Variants in ECI2 observed in about 807,000 individuals in gnomAD.
The protein encoded by ECI2 is D3,D2-enoyl-CoA isomerase.
ECI2 carries 27 observed loss-of-function variants against 38.4 expected under a neutral mutation model. That is an observed-to-expected ratio of 0.70 (90% CI 0.52 to 0.97). ECI2 has a LOEUF of 0.97. Among genes scored for constraint, ECI2 ranks in the 50% least tolerant of loss-of-function variants. The probability of loss-of-function intolerance (pLI) is 0.00; values close to 1 mark genes in which losing one functional copy is unlikely to be tolerated. For missense variants in ECI2, 470 were observed against 474.4 expected (o/e 0.99, Z 0.09); for synonymous variants, 168 against 172.0 (o/e 0.98, Z 0.18).
rs201994672 is a variant in ECI2, at chr6:4,131,271, C to CA, written c.214-407dup. Among the ~76,000 whole-genome samples the CA allele has an allele frequency of 3.0e-3, 443 of 150,098 alleles. 3 individuals carry two copies. The highest frequency in any genetic ancestry group is 4.4e-3 in the Admixed American group (66 of 15,076). The stretch of plus-strand genomic sequence containing the variant: ...TATTCCAAAAGCCCATCTGAAGGTA[C>CA]AAAAAAAAACACCACTAATTCAGTG... On this transcript the variant is annotated intron_variant, in intron 2 of 9. Coordinates refer to ENST00000380118, the MANE Select transcript of ECI2 (RefSeq NM_206836.3).
chr6:4,135,347 A>G, intron 1 of ECI2, 164 bp downstream of exon 1: 4 of 1,479,566 alleles, frequency 2.7e-6, no homozygotes, highest in Non-Finnish European at 3.6e-6. Flanking sequence ...GGCGCGCGTG[A>G]GGTCGTCACT....
intron 4 of ECI2, among the ~76,000 whole-genome samples, chr6:4,128,816 C>T (rs1773339779): frequency 6.6e-6 from 1 of 152,014 alleles, no homozygotes; most frequent in African/African-American, 2.4e-5. Flanking sequence ...AATATTATGC[C>T]TTTTTATGGG....
In ECI2 at chr6:4,117,359, A is replaced by G. The variant is rs1277386267; in HGVS notation, c.978T>C (p.Phe326=). The G allele has an allele frequency of 3.7e-6, 6 of 1,613,782 alleles. No homozygotes were observed. The African/African-American group carries it at 6.7e-5, about 18-fold the overall frequency. ...LVTEVFPDST[F]QKEVWTRLKA... is the part of the protein sequence containing the mutation. ...TCAGCCTGGTCCAGACTTCTTTCTG[A>G]AAAGTGCTATCAGGGAAAACTTCAG... The change falls in exon 9 of 10, where the codon TTT becomes TTC. Residue 326 remains phenylalanine, a synonymous_variant. Transcript: ENST00000380118.
intron 5 of ECI2, 136 bp downstream of exon 5, chr6:4,127,626 G>C: frequency 2.8e-6 from 2 of 718,386 alleles, no homozygotes; most frequent in Non-Finnish European, 4.5e-6. Context: ...TGTTAATCAG[G>C]CTCATCTCAA....
At position 4,115,807 on chromosome 6, in the gene ECI2, C is replaced by G; in HGVS notation, c.*67G>C. ...AGGCACAATGAAGCTTATTTAGTTCCAGTACTGGAAATCAGAGGTAACAGC... is the reference window on the plus strand; with the variant it reads ...AGGCACAATGAAGCTTATTTAGTTCGAGTACTGGAAATCAGAGGTAACAGC... On this transcript the variant is annotated 3_prime_UTR_variant, in exon 10 of 10. Coordinates refer to ENST00000380118, the MANE Select transcript of ECI2 (RefSeq NM_206836.3). The G allele has an allele frequency of 6.4e-7, 1 of 1,550,574 alleles. No individual in the cohort carries two copies. The highest frequency in any genetic ancestry group is 1.3e-5 in the South Asian group (1 of 79,518).
intron 7 of ECI2, among the ~76,000 whole-genome samples, chr6:4,121,521 T>C (rs554253322): frequency 6.6e-6 from 1 of 152,348 alleles, no homozygotes; most frequent in African/African-American, 2.4e-5. Context: ...GATCTATCGC[T>C]TTATAGACAA....
chr6:4,120,495 G>A (rs1055735556), intron 7 of ECI2, among the ~76,000 whole-genome samples: 1 of 152,154 alleles, frequency 6.6e-6, no homozygotes, highest in East Asian at 1.9e-4. Context: ...GGGAGGCAGA[G>A]GTGGGCAAAT....
At chr6:4,131,091 A>C (rs1773484776) in intron 2 of ECI2, 1 of 454,130 alleles carries the variant, frequency 2.2e-6, no homozygotes, top group Non-Finnish European at 3.9e-6. Flanking sequence ...CTATGAAAAT[A>C]ATGCAGGATA....
intron 6 of ECI2, 152 bp downstream of exon 6, chr6:4,125,983 G>A (rs933286853): frequency 1.4e-6 from 1 of 702,718 alleles, no homozygotes; most frequent in Non-Finnish European, 2.6e-6. Flanking sequence ...CCCACCTATG[G>A]ATGGAGGCAG....
At chr6:4,135,487 G>A in intron 1 of ECI2, 24 bp downstream of exon 1, 1 of 1,607,350 alleles carries the variant, frequency 6.2e-7, no homozygotes. Context: ...ACCATGGGCC[G>A]AACGGCCGGG....
At chr6:4,134,546 G>A (rs1487489469) in intron 1 of ECI2, among the ~76,000 whole-genome samples, 1 of 152,032 alleles carries the variant, frequency 6.6e-6, no homozygotes, top group Non-Finnish European at 1.5e-5. Context: ...AGAGTTAATG[G>A]CAAAAAAGAT....
intron 1 of ECI2, chr6:4,135,020 C>T: frequency 4.8e-6 from 2 of 416,748 alleles, no homozygotes; most frequent in Non-Finnish European, 9.9e-6. Flanking sequence ...GCTTCTTAGC[C>T]GTTACTCTGT....
At chr6:4,119,034 A>G (rs757399078) in intron 8 of ECI2, 152 bp downstream of exon 8, 42 of 620,920 alleles carry the variant, frequency 6.8e-5, no homozygotes, top group Admixed American at 1.3e-4. Flanking sequence ...TGATTCCTCC[A>G]TTGGTAAAAC....
At chr6:4,135,088 A>G in intron 1 of ECI2, 1 of 469,892 alleles carries the variant, frequency 2.1e-6, no homozygotes, top group Non-Finnish European at 4.2e-6. Context: ...TGTTAAGTCC[A>G]CACGAGTGAT....
At chr6:4,126,456 G>A (rs1035311942) in intron 5 of ECI2, among the ~76,000 whole-genome samples, 1 of 152,194 alleles carries the variant, frequency 6.6e-6, no homozygotes, top group Admixed American at 6.5e-5. Context: ...GGAGTGGTGC[G>A]TCATGAAATG....
rs1323006142 is a variant in ECI2, at chr6:4,135,538, C to G, written c.23G>C (p.Trp8Ser). MAMAYLA[W>S]RLARRSCPSS... ...CGGACACGAACGCCGCGCCAGTCTC[C>G]AAGCCAAGTACGCCATCGCCATCCC... The change falls in exon 1 of 10, where the codon TGG becomes TCG. Residue 8 changes from tryptophan to serine, a missense_variant. Coordinates refer to ENST00000380118, the MANE Select transcript of ECI2 (RefSeq NM_206836.3). 5 of 1,590,522 alleles carry G rather than the reference C, an allele frequency of 3.1e-6. No homozygotes were observed. The highest frequency in any genetic ancestry group is 3.4e-6 in the Non-Finnish European group (4 of 1,166,642).
intron 3 of ECI2, 40 bp from the exon 4 acceptor site, chr6:4,130,600 T>G: frequency 1.9e-6 from 3 of 1,614,008 alleles, no homozygotes; most frequent in Non-Finnish European, 2.5e-6. Flanking sequence ...CCATGGTCAA[T>G]GAATAAGCAC....
chr6:4,121,090 A>G (rs545425756), intron 7 of ECI2, among the ~76,000 whole-genome samples: 5 of 152,296 alleles, frequency 3.3e-5, no homozygotes, highest in Non-Finnish European at 5.9e-5. Context: ...GAAAGTTCCA[A>G]TTGCTCCACA....
chr6:4,125,922 T>C (rs1773122251), intron 6 of ECI2: 1 of 668,218 alleles, frequency 1.5e-6, no homozygotes, highest in Non-Finnish European at 2.7e-6. Flanking sequence ...TCAAATCTCA[T>C]GAGACCAGCA....
Sources: allele counts gnomAD v4.1 joint callset (sites outside exome capture counted in the v4.1 genomes callset), GRCh38; gene constraint gnomAD v4.1.1; transcripts MANE v1.5; gene names NCBI Gene and HGNC (gene_info 2026-07-23, HGNC 2026-07-21).